Variants in MYO18A observed in about 807,000 individuals in gnomAD.
The protein encoded by MYO18A is unconventional myosin-XVIIIa.
MYO18A carries 78 observed loss-of-function variants against 235.8 expected under a neutral mutation model. The observed-to-expected ratio is 0.33, with a 90% CI of 0.28 to 0.40. MYO18A has a LOEUF of 0.40. MYO18A is among the 10% of genes least tolerant of loss of function. The pLI, the probability that MYO18A is intolerant of heterozygous loss-of-function variation, is 1.00. For synonymous variants in MYO18A, 977 were observed against 1,077.8 expected (o/e 0.91, Z 1.83); for missense variants, 2,215 against 2,699.3 (o/e 0.82, Z 3.98).
intron 2 of MYO18A, among the ~76,000 whole-genome samples, chr17:29,148,863 C>A (rs1402262951): frequency 6.6e-6 from 1 of 152,200 alleles, no homozygotes; most frequent in African/African-American, 2.4e-5. Context: ...ACCCTACGCA[C>A]GGGTCAGGCT....
chr17:29,098,038 G>A, intron 25 of MYO18A, 67 bp downstream of exon 25: 1 of 1,593,826 alleles, frequency 6.3e-7, no homozygotes, highest in Non-Finnish European at 8.5e-7. Context: ...TGTCTTTGGG[G>A]GGAGCCAATG....
intron 2 of MYO18A, among the ~76,000 whole-genome samples, chr17:29,161,331 G>A (rs1480252206): frequency 2.0e-5 from 3 of 148,824 alleles, no homozygotes; most frequent in Non-Finnish European, 3.0e-5. Flanking sequence ...TTCCAGCCTG[G>A]GTGACAAGAG....
chr17:29,079,839 A>G, intron 41 of MYO18A: 1 of 985,756 alleles, frequency 1.0e-6, no homozygotes, highest in African/African-American at 1.7e-5. Flanking sequence ...CAGTTTCTTC[A>G]CTTTCTGCAG....
At position 29,073,644 on chromosome 17, in the gene MYO18A, T is replaced by G. The variant is rs1016620097; in HGVS notation, c.*1126A>C. 5.4e-6 allele frequency: 3 copies of G among 560,242 alleles called. No individual in the cohort carries two copies. The allele number at this position is 560,242 out of a possible 1,614,324, so 34.7% of individuals were successfully genotyped here. ...ATGGGAGCAGCACCAGGCACTGCAC[T>G]TGGGCTCCCAAGTCTGGTGGAGTTC... On this transcript the variant is annotated 3_prime_UTR_variant, in exon 42 of 42. Coordinates refer to ENST00000527372, the MANE Select transcript of MYO18A (RefSeq NM_078471.4).
At chr17:29,079,743 G>A (rs1028003015) in intron 41 of MYO18A, 3 of 986,006 alleles carry the variant, frequency 3.0e-6, no homozygotes, top group Non-Finnish European at 3.6e-6. Flanking sequence ...AGTCGCTCTC[G>A]GGCCGGTACA....
intron 1 of MYO18A, among the ~76,000 whole-genome samples, chr17:29,179,184 AAC>A (rs2068594652): frequency 6.6e-6 from 1 of 152,186 alleles, no homozygotes; most frequent in African/African-American, 2.4e-5. Flanking sequence ...GCCAGCGCCA[AAC>A]ACATGCCCCA....
In MYO18A at chr17:29,125,144, C is replaced by G. The variant is rs1040915003; in HGVS notation, c.1000-2891G>C. On this transcript the variant is annotated intron_variant, in intron 2 of 41. Transcript: ENST00000527372. This position sits in a 1 kb window ranked among gnomAD's most constrained non-coding sequence, Gnocchi z 5.1. ...CTCCAGAGCATTTCTCAGCCTAGCT[C>G]CCCTGTGGCCACCAGCACAGAGCTG... 6.6e-6 allele frequency among the ~76,000 whole-genome samples: 1 copy of G among 152,228 alleles called. No homozygotes were observed. Among genetic ancestry groups the G allele is most frequent in the African/African-American group, 2.4e-5 (1 of 41,446 alleles).
Position 29,090,791 on chromosome 17 carries a change from G to A in MYO18A, c.5304+19C>T. ...ATGGTGACGGTGCAGAGTGTGACGG[G>A]CACTCCTGGCAGGGGTACCTGAGCC... On this transcript the variant is annotated intron_variant, in intron 35 of 41. Transcript: ENST00000527372. 2 of 1,601,022 alleles carry A rather than the reference G, an allele frequency of 1.2e-6. No individual in the cohort carries two copies. Among genetic ancestry groups the A allele is most frequent in the South Asian group, 1.1e-5 (1 of 90,762 alleles).
chr17:29,082,351 C>T lies in MYO18A; in HGVS notation c.5985G>A (p.Lys1995=). The change falls in exon 41 of 42, where the codon AAG becomes AAA. Residue 1995 remains lysine, a synonymous_variant. Coordinates refer to ENST00000527372, the MANE Select transcript of MYO18A (RefSeq NM_078471.4). The stretch of plus-strand genomic sequence containing the variant: ...TTAAGCTGCCATCATCAGAAGCTGC[C>T]TTGGAAGGTCCCTTGTTTTTTGACA... ...SWLSKNKGPS[K]AASDDGSLKS... 6.2e-7 allele frequency: 1 copy of T among 1,613,972 alleles called. No homozygotes were observed.
At chr17:29,123,141 T>C (rs1390867332) in intron 2 of MYO18A, among the ~76,000 whole-genome samples, 3 of 152,136 alleles carry the variant, frequency 2.0e-5, no homozygotes, top group Non-Finnish European at 4.4e-5. Context: ...ACTGACGGTG[T>C]GGGGCTGTCA....
chr17:29,131,431 C>T, intron 2 of MYO18A: 2 of 985,814 alleles, frequency 2.0e-6, no homozygotes, highest in Non-Finnish European at 2.4e-6. Context: ...GAGTTTTGTC[C>T]TCCTCTTTAA....
At chr17:29,134,207 T>C (rs760992383) in intron 2 of MYO18A, among the ~76,000 whole-genome samples, 1 of 152,108 alleles carries the variant, frequency 6.6e-6, no homozygotes, top group Non-Finnish European at 1.5e-5. Context: ...GTTCAAGTGA[T>C]TCTCCTGCCT....
At chr17:29,105,271 G>A (rs2066756338) in intron 20 of MYO18A, among the ~76,000 whole-genome samples, 1 of 151,944 alleles carries the variant, frequency 6.6e-6, no homozygotes, top group Admixed American at 6.6e-5. Flanking sequence ...ATCAGGGAGA[G>A]GGACCAGGCA....
At chr17:29,110,399 C>G in intron 18 of MYO18A, 37 bp downstream of exon 18, 5 of 1,538,586 alleles carry the variant, frequency 3.2e-6, no homozygotes. Flanking sequence ...AAGGAAGGGT[C>G]CCCAGGCCTG....
chr17:29,123,978 G>A (rs1316318060), intron 2 of MYO18A, among the ~76,000 whole-genome samples: 1 of 152,040 alleles, frequency 6.6e-6, no homozygotes, highest in East Asian at 1.9e-4. Context: ...AACCCAGGAG[G>A]TGGAGCTTGC....
Position 29,098,374 on chromosome 17 carries a change from A to C in MYO18A, c.3852T>G (p.Ser1284Arg). 1 of 1,613,830 alleles carries C rather than the reference A, an allele frequency of 6.2e-7. No individual in the cohort carries two copies. Among genetic ancestry groups the C allele is most frequent in the Non-Finnish European group, 8.5e-7 (1 of 1,179,856 alleles). The change falls in exon 24 of 42, where the codon AGT becomes AGG. Residue 1284 changes from serine to arginine, a missense_variant. Ser to Arg is a moderately radical substitution (Grantham distance 110). Coordinates refer to ENST00000527372, the MANE Select transcript of MYO18A (RefSeq NM_078471.4). ...CACTCACCCGGCTCTCCAGCCGGTC[A>C]CTGTTGAGCCGCAGCTCGTTCCTCT... ...EKERNELRLN[S>R]DRLESRISEL...
chr17:29,079,927 T>C, intron 41 of MYO18A: 4 of 985,920 alleles, frequency 4.1e-6, no homozygotes, highest in Non-Finnish European at 4.8e-6. Context: ...GGACTCAGAC[T>C]CCGTCTCCGT....
At chr17:29,086,284 G>A (rs1476998327) in intron 39 of MYO18A, among the ~76,000 whole-genome samples, 154 bp downstream of exon 39, 1 of 152,244 alleles carries the variant, frequency 6.6e-6, no homozygotes, top group Non-Finnish European at 1.5e-5. Flanking sequence ...CTGCAGGACA[G>A]GCTGTGCTGG....
At chr17:29,080,751 C>T (rs2066100892) in intron 41 of MYO18A, 4 of 985,578 alleles carry the variant, frequency 4.1e-6, no homozygotes, top group Non-Finnish European at 4.8e-6. Flanking sequence ...CCCCGGTCCC[C>T]GAGCGGACGG....
Sources: gnomAD v4.1 joint callset for allele counts (sites outside exome capture counted in the v4.1 genomes callset) on GRCh38, gnomAD v4.1.1 for gene constraint, Gnocchi (gnomAD v3.1) non-coding constraint, MANE v1.5 for transcripts, NCBI Gene and HGNC (gene_info 2026-07-23, HGNC 2026-07-21) for gene names.